The following ATP13A4 variants were observed in gnomAD, a reference collection of about 807,000 sequenced individuals.
ATP13A4 encodes probable cation-transporting ATPase 13A4.
In ATP13A4, 114 loss-of-function variants were observed where a neutral mutation model predicts 142.5. That is an observed-to-expected ratio of 0.80 (90% CI 0.69 to 0.93). The LOEUF (loss-of-function observed/expected upper bound fraction) is 0.93, where lower values mean the gene tolerates loss of function less well. Ranked by LOEUF, ATP13A4 falls within the 40% of genes least tolerant of loss-of-function variation. The probability of loss-of-function intolerance (pLI) is 0.00; values close to 1 mark genes in which losing one functional copy is unlikely to be tolerated. For missense variants in ATP13A4, 1,392 were observed against 1,454.0 expected, an observed-to-expected ratio of 0.96 and a Z score of 0.69; for synonymous variants, 488 against 514.8, an observed-to-expected ratio of 0.95 and a Z score of 0.70.
intron 8 of ATP13A4, among the ~76,000 whole-genome samples, chr3:193,483,264 T>C (rs56035331): frequency 6.6e-6 from 1 of 151,442 alleles, no homozygotes; most frequent in Non-Finnish European, 1.5e-5. Context: ...GATGGGGGAG[T>C]TGGGAGGAAG....
At chr3:193,565,428 C>T (rs750507736) in intron 2 of ATP13A4, among the ~76,000 whole-genome samples, 1 of 152,170 alleles carries the variant, frequency 6.6e-6, no homozygotes, top group Non-Finnish European at 1.5e-5. Flanking sequence ...TATAAGGCTA[C>T]TGGGCATAGG....
At chr3:193,426,797 T>A (rs1715690015) in intron 25 of ATP13A4, among the ~76,000 whole-genome samples, 1 of 151,854 alleles carries the variant, frequency 6.6e-6, no homozygotes, top group African/African-American at 2.4e-5. Context: ...ACACACAAAG[T>A]AAGGAACTTG....
chr3:193,459,012 C>A, intron 14 of ATP13A4, 69 bp downstream of exon 14: 1 of 1,590,442 alleles, frequency 6.3e-7, no homozygotes, highest in Admixed American at 1.7e-5. Flanking sequence ...AATTAGATAG[C>A]TCTGATATTG....
At chr3:193,557,522 G>T (rs1188262298), upstream of ATP13A4, among the ~76,000 whole-genome samples, 1 of 152,212 alleles carries the variant, frequency 6.6e-6, no homozygotes, top group Admixed American at 6.5e-5. Flanking sequence ...ACACAATCCT[G>T]ACAAAAGCCT....
intron 18 of ATP13A4, among the ~76,000 whole-genome samples, chr3:193,447,842 C>T (rs556406899): frequency 5.9e-5 from 9 of 152,266 alleles, no homozygotes; most frequent in Admixed American, 1.3e-4. Flanking sequence ...TAGCACTTGA[C>T]AATAAAAATC....
At chr3:193,466,994 T>G (rs899441409) in intron 10 of ATP13A4, among the ~76,000 whole-genome samples, 1 of 152,118 alleles carries the variant, frequency 6.6e-6, no homozygotes, top group Non-Finnish European at 1.5e-5. Flanking sequence ...AAAGGGTGAC[T>G]ATAGTCAATA....
chr3:193,515,471 C>T (rs1721355791), intron 1 of ATP13A4, among the ~76,000 whole-genome samples: 1 of 152,180 alleles, frequency 6.6e-6, no homozygotes, highest in African/African-American at 2.4e-5. Context: ...CAAGTAAATG[C>T]CAGCTTGCCC....
chr3:193,560,192 CACA>C (rs1723984752), intron 2 of ATP13A4, among the ~76,000 whole-genome samples: 1 of 152,010 alleles, frequency 6.6e-6, no homozygotes, highest in Admixed American at 6.6e-5. Context: ...ATATACTTCA[CACA>C]ACATCATATT....
chr3:193,589,703 T>TTAA (rs1373546168), intron 1 of ATP13A4, among the ~76,000 whole-genome samples: 2 of 152,148 alleles, frequency 1.3e-5, no homozygotes, highest in East Asian at 3.8e-4. Context: ...TTACAAGTAA[T>TTAA]TAATACACAA....
intron 1 of ATP13A4, among the ~76,000 whole-genome samples, chr3:193,544,657 C>G (rs181702405): frequency 6.6e-6 from 1 of 152,314 alleles, no homozygotes; most frequent in African/African-American, 2.4e-5. Flanking sequence ...CTAATCACTT[C>G]TAAGCCCAAA....
chr3:193,441,573 T>A lies in ATP13A4; in HGVS notation c.2332A>T (p.Ile778Phe), dbSNP rs753398269. Reference protein sequence around the residue: ...MYGNQDNYINIRDEVSDKGRE... With the variant: ...MYGNQDNYINFRDEVSDKGRE... Reference sequence around the variant, plus strand: ...CCTTTATCAGAGACTTCATCCCTGATGTTAATGTAATTGTCCTACAAAGCA... The same window carrying A: ...CCTTTATCAGAGACTTCATCCCTGAAGTTAATGTAATTGTCCTACAAAGCA... The change falls in exon 20 of 30, where the codon ATC becomes TTC. Residue 778 changes from isoleucine to phenylalanine, a missense_variant. Transcript: ENST00000342695. 2 of 1,613,566 alleles carry A rather than the reference T, an allele frequency of 1.2e-6. No individual in the cohort carries two copies. The highest frequency in any genetic ancestry group is 1.7e-6 in the Non-Finnish European group (2 of 1,179,576).
Position 193,436,876 on chromosome 3 carries a change from G to A in ATP13A4, c.2673-1132C>T, listed in dbSNP as rs181355400. On this transcript the variant is annotated intron_variant, in intron 23 of 29. Coordinates refer to ENST00000342695, the MANE Select transcript of ATP13A4 (RefSeq NM_032279.4). The stretch of plus-strand genomic sequence containing the variant: ...TCCCAGCACTTTGGGAGGCCGAGGC[G>A]GGCGGATCACGAGGTCAGGAGATCG... Among the ~76,000 whole-genome samples, 682 of 149,520 alleles carry A rather than the reference G, an allele frequency of 4.6e-3. 57 individuals carry two copies. Among genetic ancestry groups the A allele is most frequent in the African/African-American group, 0.016 (626 of 39,698 alleles).
chr3:193,582,576 A>ATATTACATATATTATATATG (rs1560290805), intron 1 of ATP13A4, among the ~76,000 whole-genome samples: 5 of 132,496 alleles, frequency 3.8e-5, no homozygotes, highest in African/African-American at 1.4e-4. Context: ...TACATATAAT[A>ATATTACATATATTATATATG]TATATTACAT....
At chr3:193,539,825 C>CTAT (rs1199750495) in intron 1 of ATP13A4, among the ~76,000 whole-genome samples, 2 of 152,106 alleles carry the variant, frequency 1.3e-5, no homozygotes, top group Non-Finnish European at 2.9e-5. Flanking sequence ...TACATATTAA[C>CTAT]TATTATTATT....
chr3:193,579,561 C>T (rs565933283), intron 2 of ATP13A4: 1 of 152,136 alleles, frequency 6.6e-6, no homozygotes, highest in South Asian at 2.1e-4. Flanking sequence ...GCAGTCTAAA[C>T]ATCACTCTGT....
intron 25 of ATP13A4, among the ~76,000 whole-genome samples, chr3:193,432,800 G>T (rs2108616401): frequency 6.6e-6 from 1 of 152,186 alleles, no homozygotes; most frequent in South Asian, 2.1e-4. Context: ...CACAGTGGTT[G>T]CCAGGAGCTT....
chr3:193,576,428 C>T (rs1408488155), intron 2 of ATP13A4, among the ~76,000 whole-genome samples: 3 of 149,780 alleles, frequency 2.0e-5, no homozygotes, highest in Non-Finnish European at 4.4e-5. Flanking sequence ...CCCGCCACCG[C>T]GCCCGGCTAA....
At chr3:193,513,112 C>A (rs2108684030) in intron 2 of ATP13A4, among the ~76,000 whole-genome samples, 1 of 152,292 alleles carries the variant, frequency 6.6e-6, no homozygotes, top group South Asian at 2.1e-4. Flanking sequence ...CACATATCAG[C>A]TAAGCTAGAA....
At chr3:193,570,373 T>C (rs1724232979) in intron 2 of ATP13A4, among the ~76,000 whole-genome samples, 1 of 152,234 alleles carries the variant, frequency 6.6e-6, no homozygotes, top group Non-Finnish European at 1.5e-5. Context: ...AATTGTTGTT[T>C]TCCTATGTCT....
Sources: allele counts gnomAD v4.1 joint callset (sites outside exome capture counted in the v4.1 genomes callset), GRCh38; gene constraint gnomAD v4.1.1; transcripts MANE v1.5; gene names NCBI Gene and HGNC (gene_info 2026-07-23, HGNC 2026-07-21).